The following NCOR2 variants were observed in gnomAD, a reference collection of about 807,000 sequenced individuals.
The protein encoded by NCOR2 is nuclear receptor corepressor 2, also known as CTG repeat protein 26.
A neutral mutation model predicts 262.9 loss-of-function variants in NCOR2; 81 were observed. That is an observed-to-expected ratio of 0.31 (90% CI 0.26 to 0.37). The LOEUF (loss-of-function observed/expected upper bound fraction) is 0.37. NCOR2 is among the 10% of genes least tolerant of loss of function. The pLI is 1.00. For synonymous variants in NCOR2, 1,659 were observed against 1,559.3 expected (o/e 1.06, Z -1.51); for missense variants, 3,385 against 3,621.4 (o/e 0.93, Z 1.68).
intron 1 of NCOR2, among the ~76,000 whole-genome samples, chr12:124,553,367 A>C (rs567461787): frequency 3.0e-4 from 46 of 152,332 alleles, no homozygotes; most frequent in African/African-American, 1.1e-3. Flanking sequence ...AGCTTCTGAG[A>C]ATTAGGACAT....
At chr12:124,509,261 A>C (rs2049257717) in intron 1 of NCOR2, among the ~76,000 whole-genome samples, 1 of 141,660 alleles carries the variant, frequency 7.1e-6, no homozygotes, top group Non-Finnish European at 1.5e-5. Flanking sequence ...TTAACTCTGA[A>C]CTCTCAAGCT....
At chr12:124,414,126 C>A (rs1207625845) in intron 13 of NCOR2, among the ~76,000 whole-genome samples, 1 of 152,238 alleles carries the variant, frequency 6.6e-6, no homozygotes, top group Admixed American at 6.5e-5. Flanking sequence ...CGGATCAGGG[C>A]TGGCTTCCAG....
At chr12:124,362,371 G>A (rs566785474) in intron 21 of NCOR2, 74 bp from the exon 24 acceptor site, 706 of 1,286,978 alleles carry the variant, frequency 5.5e-4, no homozygotes, top group Non-Finnish European at 6.6e-4. Flanking sequence ...AGACATGCAC[G>A]CGACCAGCCT....
chr12:124,344,951 C>A, exon 32 of NCOR2: 1 of 1,538,070 alleles, frequency 6.5e-7, no homozygotes, highest in Middle Eastern at 1.7e-4. Flanking sequence ...AGCGGGGTGC[C>A]CTGGGGCAGA....
chr12:124,480,223 G>T (rs1393720094), intron 3 of NCOR2, among the ~76,000 whole-genome samples: 1 of 152,218 alleles, frequency 6.6e-6, no homozygotes, highest in African/African-American at 2.4e-5. Flanking sequence ...GCTGCAGGAG[G>T]AGGATGGCCT....
At chr12:124,436,251 A>G (rs1476854346) in intron 8 of NCOR2, among the ~76,000 whole-genome samples, 3 of 152,202 alleles carry the variant, frequency 2.0e-5, no homozygotes, top group African/African-American at 7.2e-5. Flanking sequence ...GGCGCTGGGC[A>G]TGACTGAGCC....
intron 1 of NCOR2, among the ~76,000 whole-genome samples, chr12:124,492,494 G>T (rs1205801153): frequency 6.6e-6 from 1 of 152,178 alleles, no homozygotes; most frequent in Non-Finnish European, 1.5e-5. Flanking sequence ...CAGGAGGTAG[G>T]CCTGTCGGGA....
intron 21 of NCOR2, among the ~76,000 whole-genome samples, chr12:124,363,194 G>A (rs1036902049): frequency 6.6e-6 from 1 of 152,230 alleles, no homozygotes; most frequent in Non-Finnish European, 1.5e-5. Flanking sequence ...GGTCAGCTCA[G>A]GGTCTTTTAG....
intron 1 of NCOR2, among the ~76,000 whole-genome samples, chr12:124,520,852 G>A (rs540091671): frequency 1.5e-4 from 23 of 152,296 alleles, no homozygotes; most frequent in African/African-American, 1.7e-4. Flanking sequence ...CCTGGAGCCC[G>A]TCTGCTGAGC....
chr12:124,416,322 C>G (rs1402945237), intron 13 of NCOR2, among the ~76,000 whole-genome samples: 1 of 152,200 alleles, frequency 6.6e-6, no homozygotes, highest in African/African-American at 2.4e-5. Flanking sequence ...CTGGGAGGTA[C>G]CGGGACCCCC....
chr12:124,399,821 G>GCTGCC (rs916879338), intron 15 of NCOR2, among the ~76,000 whole-genome samples: 3 of 152,120 alleles, frequency 2.0e-5, no homozygotes, highest in Non-Finnish European at 4.4e-5. Context: ...GACGCACACC[G>GCTGCC]CTGCCCCCTG....
intron 8 of NCOR2, among the ~76,000 whole-genome samples, chr12:124,436,704 G>A (rs901004522): frequency 7.2e-5 from 11 of 152,204 alleles, no homozygotes; most frequent in Admixed American, 5.9e-4. Flanking sequence ...GATACCATCC[G>A]AGAAAGCACA....
Position 124,334,632 on chromosome 12 carries a change from G to T in NCOR2, c.6412-15C>A. 1 of 1,368,252 alleles carries T rather than the reference G, an allele frequency of 7.3e-7. No individual in the cohort carries two copies. Among genetic ancestry groups the T allele is most frequent in the Non-Finnish European group, 9.4e-7 (1 of 1,062,562 alleles). The allele number at this position is 1,368,252 out of a possible 1,614,324, so 84.8% of individuals were successfully genotyped here. On this transcript the variant is annotated splice_polypyrimidine_tract_variant and intron_variant, in intron 40 of 46. Coordinates refer to ENST00000405201, the Ensembl canonical transcript of NCOR2. ...GTGATGACCTCCTGCAGGCAAGTGG[G>T]GGGGCCCAGAGTCAGGCAGCACTCT...
chr12:124,437,705 A>G (rs2044432733), intron 8 of NCOR2, among the ~76,000 whole-genome samples: 1 of 152,186 alleles, frequency 6.6e-6, no homozygotes, highest in South Asian at 2.1e-4. Flanking sequence ...CCAGGCTGGA[A>G]GAGGGGCCAT....
chr12:124,422,729 G>A (rs2043290241), intron 11 of NCOR2, among the ~76,000 whole-genome samples, 174 bp from the exon 14 acceptor site: 1 of 152,218 alleles, frequency 6.6e-6, no homozygotes, highest in East Asian at 1.9e-4. Context: ...CAGACGGGAG[G>A]GGTGGGGACC....
exon 37 of NCOR2, chr12:124,340,105 C>G (rs753298868): frequency 6.2e-7 from 1 of 1,612,736 alleles, no homozygotes; most frequent in Non-Finnish European, 8.5e-7. Flanking sequence ...ATCCTGGGTC[C>G]GAGGGGAGAT....
intron 17 of NCOR2, among the ~76,000 whole-genome samples, chr12:124,380,753 C>A (rs954698796): frequency 1.3e-5 from 2 of 152,016 alleles, no homozygotes; most frequent in African/African-American, 2.4e-5. Context: ...GTGGTGGCGC[C>A]CAGCATCCTG....
In NCOR2 at chr12:124,440,138, G is replaced by C. The variant is rs1247209585; in HGVS notation, c.816-2142C>G. 6.6e-6 allele frequency among the ~76,000 whole-genome samples: 1 copy of C among 152,162 alleles called. No homozygotes were observed. Among genetic ancestry groups the C allele is most frequent in the Non-Finnish European group, 1.5e-5 (1 of 68,034 alleles). On this transcript the variant is annotated intron_variant, in intron 7 of 46. Transcript: ENST00000405201. This position sits in a 1 kb window ranked among gnomAD's most constrained non-coding sequence, Gnocchi z 5.7. Reference sequence around the variant, plus strand: ...ACTTGCTGTCTGTCCCCAATCCGCGGCATTCAGTGGCACCCGCTTTTCTGG... The same window carrying C: ...ACTTGCTGTCTGTCCCCAATCCGCGCCATTCAGTGGCACCCGCTTTTCTGG...
intron 6 of NCOR2, among the ~76,000 whole-genome samples, chr12:124,456,766 C>T (rs1390018692): frequency 6.6e-6 from 1 of 152,210 alleles, no homozygotes; most frequent in Non-Finnish European, 1.5e-5. Flanking sequence ...AGAACCGGCT[C>T]TCCGCGCTCA....
Sources: gnomAD v4.1 joint callset for allele counts (sites outside exome capture counted in the v4.1 genomes callset) on GRCh38, gnomAD v4.1.1 for gene constraint, Gnocchi (gnomAD v3.1) non-coding constraint, MANE v1.5 for transcripts, NCBI Gene and HGNC (gene_info 2026-07-23, HGNC 2026-07-21) for gene names.